Variants in MOB4 observed in about 807,000 individuals in gnomAD.
MOB4 encodes MOB family member 4, phocein.
A neutral mutation model predicts 32.2 loss-of-function variants in MOB4; 4 were observed. That is an observed-to-expected ratio of 0.12 (90% CI 0.06 to 0.28). The LOEUF is 0.28. MOB4 is among the 10% of genes least tolerant of loss of function. The pLI, the probability that MOB4 is intolerant of heterozygous loss-of-function variation, is 1.00. For synonymous variants in MOB4, 88 were observed against 88.1 expected, an observed-to-expected ratio of 1.00 and a Z score of 0.01; for missense variants, 158 against 271.2, an observed-to-expected ratio of 0.58 and a Z score of 2.93.
Position 197,550,844 on chromosome 2 carries a change from G to A in MOB4, c.*198G>A, listed in dbSNP as rs2087086650. ...GTATATTCACCAGTGTGGCACTCAT[G>A]GTTTTTAAATAAGATTAGTATTATC... On this transcript the variant is annotated 3_prime_UTR_variant, in exon 8 of 8. Transcript: ENST00000323303. The A allele has an allele frequency of 6.8e-6, 3 of 443,512 alleles. No homozygotes were observed. Among genetic ancestry groups the A allele is most frequent in the Middle Eastern group, 7.4e-4 (1 of 1,356 alleles). The allele number at this position is 443,512 out of a possible 1,614,324, so 27.5% of individuals were successfully genotyped here. A position where few individuals can be genotyped will look rare whatever the true frequency, so the allele number is the denominator to read the frequency against.
chr2:197,516,022 G>GC (rs1574617751), upstream of MOB4: 55 of 1,502,946 alleles, frequency 3.7e-5, no homozygotes, highest in South Asian at 5.9e-4. Context: ...GCTCTGCCCC[G>GC]CCCCCCGCGC....
intron 2 of MOB4, among the ~76,000 whole-genome samples, chr2:197,525,327 G>GA (rs2086592807): frequency 6.7e-6 from 1 of 149,820 alleles, no homozygotes; most frequent in Non-Finnish European, 1.5e-5. Flanking sequence ...CAGCTTGGGG[G>GA]ACAGAGCAAG....
intron 5 of MOB4, among the ~76,000 whole-genome samples, chr2:197,547,028 T>A (rs2106137659): frequency 6.6e-6 from 1 of 152,216 alleles, no homozygotes; most frequent in East Asian, 1.9e-4. Flanking sequence ...GGAGGATCGC[T>A]TGAGGCCAGG....
chr2:197,541,667 C>T (rs2086897058), intron 5 of MOB4, among the ~76,000 whole-genome samples: 2 of 152,212 alleles, frequency 1.3e-5, no homozygotes, highest in South Asian at 2.1e-4. Flanking sequence ...CGCCTGTAAT[C>T]CCAGCACTTT....
rs1402780540 is a variant in MOB4, at chr2:197,537,969, G to T, written c.225-2142G>T. Reference sequence around the variant, plus strand: ...TAATTTTTGTATTTTTAGTAGAGATGGGGTTTCACCATGTTGGTCAGGATG... The same window carrying T: ...TAATTTTTGTATTTTTAGTAGAGATTGGGTTTCACCATGTTGGTCAGGATG... On this transcript the variant is annotated intron_variant, in intron 3 of 7. Coordinates refer to ENST00000323303, the MANE Select transcript of MOB4 (RefSeq NM_015387.5). Among the ~76,000 whole-genome samples the T allele has an allele frequency of 2.0e-5, 3 of 152,084 alleles. No individual in the cohort carries two copies. In the East Asian group the frequency reaches 5.8e-4, roughly 29 times the overall value.
At position 197,545,929 on chromosome 2, in the gene MOB4, C is replaced by G. The variant is rs2086984950; in HGVS notation, c.355-2407C>G. On this transcript the variant is annotated intron_variant, in intron 5 of 7. Transcript: ENST00000323303. ...TAAATTTTAGTTGTATCAATTATAT[C>G]TTAAAAGTCAAAAAGTAGCCCATTA... Among the ~76,000 whole-genome samples, 3 of 152,268 alleles carry G rather than the reference C, an allele frequency of 2.0e-5. No individual in the cohort carries two copies. The East Asian group carries it at 5.8e-4, about 29-fold the overall frequency.
In MOB4 at chr2:197,550,912, AATTG is replaced by A. The variant is rs1255029765; in HGVS notation, c.*267_*270del. On this transcript the variant is annotated 3_prime_UTR_variant, in exon 8 of 8. Coordinates refer to ENST00000323303, the MANE Select transcript of MOB4 (RefSeq NM_015387.5). ...AATAAAAGAATTTACAGTTTGGTAA[AATTG>A]CTGCTAAACAATCATTGGATCACAA... The A allele has an allele frequency of 5.7e-5, 11 of 194,316 alleles. No individual in the cohort carries two copies. The highest frequency in any genetic ancestry group is 2.6e-4 in the African/African-American group (11 of 43,090). The allele number at this position is 194,316 out of a possible 1,614,324, so 12.0% of individuals were successfully genotyped here. A position where few individuals can be genotyped will look rare whatever the true frequency, so the allele number is the denominator to read the frequency against.
At chr2:197,538,224 T>G (rs2086836430) in intron 3 of MOB4, among the ~76,000 whole-genome samples, 1 of 152,130 alleles carries the variant, frequency 6.6e-6, no homozygotes, top group Non-Finnish European at 1.5e-5. Context: ...CATAAAACTT[T>G]ACATGAAATA....
intron 3 of MOB4, among the ~76,000 whole-genome samples, chr2:197,539,144 CAT>C (rs531436832): frequency 5.0e-4 from 76 of 151,758 alleles, no homozygotes; most frequent in Non-Finnish European, 9.9e-4. Flanking sequence ...GATGGGGAAA[CAT>C]AGTATTGATT....
chr2:197,538,356 T>G (rs1330832620), intron 3 of MOB4, among the ~76,000 whole-genome samples: 1 of 152,032 alleles, frequency 6.6e-6, no homozygotes, highest in African/African-American at 2.4e-5. Flanking sequence ...CTCTTTATTG[T>G]ATTGTGTACA....
At chr2:197,534,685 G>C (rs2086767532) in intron 2 of MOB4, among the ~76,000 whole-genome samples, 1 of 152,114 alleles carries the variant, frequency 6.6e-6, no homozygotes, top group Non-Finnish European at 1.5e-5. Flanking sequence ...TGGGACTACA[G>C]GTGTGTGCCA....
chr2:197,543,630 C>T (rs2086938024), intron 5 of MOB4, among the ~76,000 whole-genome samples: 1 of 152,174 alleles, frequency 6.6e-6, no homozygotes, highest in South Asian at 2.1e-4. Flanking sequence ...GATACTGTAG[C>T]ATTCCACTTA....
At chr2:197,537,078 AGTCTAGG>A (rs1559320898) in intron 3 of MOB4, among the ~76,000 whole-genome samples, 1 of 152,126 alleles carries the variant, frequency 6.6e-6, no homozygotes. Flanking sequence ...TCCAGTTCCT[AGTCTAGG>A]CTTGGTATCT....
chr2:197,553,560 TATG>T lies in MOB4; in HGVS notation c.*2919_*2921del, dbSNP rs1386559253. 6.6e-6 allele frequency: 1 copy of T among 152,258 alleles called. No individual in the cohort carries two copies. Among genetic ancestry groups the T allele is most frequent in the Non-Finnish European group, 1.5e-5 (1 of 68,038 alleles). The allele number at this position is 152,258 out of a possible 1,614,324, so 9.4% of individuals were successfully genotyped here. ...TGTGAGTACTTTGCCCTACTGTCTA[TATG>T]ATGACATCTTTTTTGAGCAGCTAAA... On this transcript the variant is annotated 3_prime_UTR_variant, in exon 8 of 8. Coordinates refer to ENST00000323303, the MANE Select transcript of MOB4 (RefSeq NM_015387.5).
At chr2:197,531,634 T>A (rs557930219) in intron 2 of MOB4, among the ~76,000 whole-genome samples, 21 of 152,182 alleles carry the variant, frequency 1.4e-4, no homozygotes, top group African/African-American at 5.1e-4. Flanking sequence ...GGCATGATCT[T>A]GGCTCACTGC....
intron 2 of MOB4, among the ~76,000 whole-genome samples, chr2:197,531,860 A>T (rs2086711923): frequency 6.6e-6 from 1 of 151,598 alleles, no homozygotes; most frequent in Non-Finnish European, 1.5e-5. Context: ...CTGATTTTTT[A>T]AAAATGATAG....
chr2:197,521,163 C>T (rs915805248), intron 1 of MOB4, among the ~76,000 whole-genome samples: 7 of 152,258 alleles, frequency 4.6e-5, no homozygotes, highest in Middle Eastern at 3.4e-3. Flanking sequence ...TTTCCCTAAG[C>T]ATCAGCCAGT....
In MOB4 at chr2:197,550,529, G is replaced by A. The variant is rs1280965468; in HGVS notation, c.561G>A (p.Leu187=). ...CCTCTCTACAGAATGAAACATTTTT[G>A]TGTCATCGGTTTACTAAGTTTGTGA... The part of the protein sequence containing the change: ...IFDEYENETF[L]CHRFTKFVMK... The change falls in exon 8 of 8, where the codon TTG becomes TTA. Residue 187 remains leucine, a synonymous_variant. Coordinates refer to ENST00000323303, the MANE Select transcript of MOB4 (RefSeq NM_015387.5). The A allele has an allele frequency of 2.5e-6, 4 of 1,597,248 alleles. No individual in the cohort carries two copies. The highest frequency in any genetic ancestry group is 1.4e-5 in the African/African-American group (1 of 73,922).
intron 5 of MOB4, among the ~76,000 whole-genome samples, chr2:197,547,680 GT>G (rs2087021683): frequency 6.6e-6 from 1 of 152,136 alleles, no homozygotes; most frequent in South Asian, 2.1e-4. Context: ...TCCTCTAGTT[GT>G]TTTTTCCTTC....
Sources: gnomAD v4.1 joint callset for allele counts (sites outside exome capture counted in the v4.1 genomes callset) on GRCh38, gnomAD v4.1.1 for gene constraint, MANE v1.5 for transcripts, NCBI Gene and HGNC (gene_info 2026-07-23, HGNC 2026-07-21) for gene names.